MBTD1: variants seen among roughly 807,000 people sequenced by gnomAD.
MBTD1 encodes the protein MBT domain-containing protein 1.
In MBTD1, 24 loss-of-function variants were observed where a neutral mutation model predicts 87.8. The ratio of observed to expected loss-of-function variants is 0.27; its 90% CI spans 0.20 to 0.38. The LOEUF (loss-of-function observed/expected upper bound fraction) is 0.38. MBTD1 is among the 10% of genes least tolerant of loss of function. MBTD1 has a pLI of 1.00. For synonymous variants in MBTD1, 237 were observed against 248.6 expected (o/e 0.95, Z 0.44); for missense variants, 436 against 760.2 (o/e 0.57, Z 5.02).
chr17:51,254,337 G>A (rs778640356), intron 2 of MBTD1, among the ~76,000 whole-genome samples: 4 of 152,160 alleles, frequency 2.6e-5, no homozygotes, highest in African/African-American at 7.2e-5. Context: ...TAAGCTTACT[G>A]TTACGAGGAA....
intron 16 of MBTD1, 31 bp downstream of exon 16, chr17:51,192,172 A>C: frequency 6.9e-7 from 1 of 1,456,740 alleles, no homozygotes; most frequent in Non-Finnish European, 9.4e-7. Flanking sequence ...AACAATTAGA[A>C]AATGTATGTG....
intron 12 of MBTD1, among the ~76,000 whole-genome samples, chr17:51,197,329 T>C (rs948905849): frequency 1.3e-5 from 2 of 151,528 alleles, no homozygotes; most frequent in Non-Finnish European, 2.9e-5. Context: ...CTTAAATTCC[T>C]GGCCTCAAGT....
chr17:51,225,153 G>T lies in MBTD1; in HGVS notation c.9C>A (p.Asp3Glu). The change falls in exon 3 of 17, where the codon GAC (aspartate) becomes GAA (glutamate). Residue 3 changes from aspartate (D) to glutamate (E), a missense_variant. Transcript: ENST00000586178. MFDGYDSCSEDTS... is the reference protein window; with the variant it reads MFEGYDSCSEDTS... ...TGTCCTCACTGCAGCTATCATAACC[G>T]TCAAACATCCCGAAAGAATCTCTTC... 6.5e-7 allele frequency: 1 copy of T among 1,543,742 alleles called. No individual in the cohort carries two copies. The highest frequency in any genetic ancestry group is 1.2e-5 in the South Asian group (1 of 82,420).
At chr17:51,238,686 G>GT (rs541855611) in intron 2 of MBTD1, among the ~76,000 whole-genome samples, 30 of 152,276 alleles carry the variant, frequency 2.0e-4, no homozygotes, top group African/African-American at 6.5e-4. Context: ...GAACCAATCA[G>GT]TAACTGCAGG....
chr17:51,247,386 ACT>A (rs1230411974), intron 2 of MBTD1, among the ~76,000 whole-genome samples: 1 of 151,426 alleles, frequency 6.6e-6, no homozygotes, highest in Admixed American at 6.6e-5. Flanking sequence ...GTATGTGATA[ACT>A]CTGTAATTTT....
At chr17:51,226,188 A>C (rs1033577036) in intron 2 of MBTD1, among the ~76,000 whole-genome samples, 33 of 149,626 alleles carry the variant, frequency 2.2e-4, no homozygotes, top group African/African-American at 6.3e-4. Flanking sequence ...AAAAACACAA[A>C]AAAACAAAAC....
chr17:51,248,377 G>T (rs929545638), intron 2 of MBTD1, among the ~76,000 whole-genome samples: 1 of 152,126 alleles, frequency 6.6e-6, no homozygotes, highest in Non-Finnish European at 1.5e-5. Flanking sequence ...CTGGTATGTA[G>T]TATTATGTAG....
At chr17:51,240,877 C>T (rs571036960) in intron 2 of MBTD1, among the ~76,000 whole-genome samples, 1 of 152,200 alleles carries the variant, frequency 6.6e-6, no homozygotes, top group East Asian at 1.9e-4. Context: ...GTTTTAGGTG[C>T]CCTCAGGATT....
At chr17:51,236,753 G>A (rs560528186) in intron 2 of MBTD1, among the ~76,000 whole-genome samples, 2 of 131,954 alleles carry the variant, frequency 1.5e-5, no homozygotes, top group South Asian at 5.4e-4. Flanking sequence ...TGACAAAGCT[G>A]AAAAGGCAAT....
At chr17:51,252,389 A>G (rs534172700) in intron 2 of MBTD1, among the ~76,000 whole-genome samples, 76 of 152,244 alleles carry the variant, frequency 5.0e-4, no homozygotes, top group African/African-American at 1.7e-3. Context: ...CATCAAATAA[A>G]TATGTTTCAG....
At chr17:51,249,451 ATTTAAC>A (rs1401858617) in intron 2 of MBTD1, 4 of 152,124 alleles carry the variant, frequency 2.6e-5, no homozygotes, top group Admixed American at 6.5e-5. Context: ...TGTGGTACAT[ATTTAAC>A]TGTGAATTCT....
intron 6 of MBTD1, among the ~76,000 whole-genome samples, chr17:51,209,063 A>G (rs2052019413): frequency 6.6e-6 from 1 of 152,244 alleles, no homozygotes; most frequent in Non-Finnish European, 1.5e-5. Context: ...CATCAACAAG[A>G]AAGAGCACCA....
intron 3 of MBTD1, 116 bp from the exon 4 acceptor site, chr17:51,220,579 G>A (rs924647272): frequency 7.4e-6 from 7 of 939,854 alleles, no homozygotes; most frequent in Non-Finnish European, 1.1e-5. Context: ...AATTTGCCTT[G>A]AACATTTCTT....
At chr17:51,210,455 G>A (rs994093183) in intron 6 of MBTD1, among the ~76,000 whole-genome samples, 4 of 152,054 alleles carry the variant, frequency 2.6e-5, no homozygotes, top group African/African-American at 9.7e-5. Flanking sequence ...AGGAAGCACT[G>A]GTTACTAATT....
intron 6 of MBTD1, among the ~76,000 whole-genome samples, chr17:51,216,268 A>G (rs2052565128): frequency 1.3e-5 from 2 of 152,276 alleles, no homozygotes; most frequent in Middle Eastern, 3.4e-3. Context: ...AATGCAAACA[A>G]AAGTTCATGT....
At chr17:51,236,886 T>C (rs1172556265) in intron 2 of MBTD1, among the ~76,000 whole-genome samples, 1 of 152,162 alleles carries the variant, frequency 6.6e-6, no homozygotes, top group Non-Finnish European at 1.5e-5. Flanking sequence ...TGAAAGTAGT[T>C]CATAGGCCTA....
chr17:51,197,083 T>G (rs866794091), intron 12 of MBTD1, among the ~76,000 whole-genome samples: 446 of 18,156 alleles, frequency 0.025, 59 homozygotes, highest in African/African-American at 0.12. Context: ...TATATATATA[T>G]ATATATATAT....
chr17:51,189,776 A>C (rs535132080), intron 16 of MBTD1, among the ~76,000 whole-genome samples: 1 of 152,374 alleles, frequency 6.6e-6, no homozygotes, highest in African/African-American at 2.4e-5. Context: ...CTTAGTGATC[A>C]TATCTGCTAT....
intron 14 of MBTD1, 45 bp from the exon 15 acceptor site, chr17:51,193,061 A>C (rs187757242): frequency 4.6e-5 from 62 of 1,334,462 alleles, no homozygotes; most frequent in Non-Finnish European, 2.1e-6. Context: ...AAGAAGAAAG[A>C]ATGCACAACC....
Sources: gnomAD v4.1 joint callset for allele counts (sites outside exome capture counted in the v4.1 genomes callset) on GRCh38, gnomAD v4.1.1 for gene constraint, MANE v1.5 for transcripts, NCBI Gene and HGNC (gene_info 2026-07-23, HGNC 2026-07-21) for gene names.